Variants in TCF4 observed in about 807,000 individuals in gnomAD.
TCF4 encodes transcription factor 4.
A neutral mutation model predicts 82.1 loss-of-function variants in TCF4; 3 were observed. That is an observed-to-expected ratio of 0.04 (90% CI 0.02 to 0.09). The LOEUF (loss-of-function observed/expected upper bound fraction) is 0.09. Ranked by LOEUF, TCF4 falls within the 10% of genes least tolerant of loss-of-function variation. The probability of loss-of-function intolerance (pLI) is 1.00; values close to 1 mark genes in which losing one functional copy is unlikely to be tolerated. For synonymous variants in TCF4, 276 were observed against 309.6 expected, an observed-to-expected ratio of 0.89 and a Z score of 1.14; for missense variants, 518 against 852.7, an observed-to-expected ratio of 0.61 and a Z score of 4.89.
intron 3 of TCF4, among the ~76,000 whole-genome samples, chr18:55,470,183 A>G (rs2096142468): frequency 1.3e-5 from 2 of 152,218 alleles, no homozygotes; most frequent in African/African-American, 4.8e-5. Flanking sequence ...ACATTTGTTA[A>G]ACACTTAGGA....
intron 11 of TCF4, among the ~76,000 whole-genome samples, chr18:55,262,573 A>G (rs929080739): frequency 2.6e-5 from 4 of 152,208 alleles, no homozygotes; most frequent in African/African-American, 7.2e-5. Flanking sequence ...TTCATTAAAC[A>G]GGTATATAAT....
intron 15 of TCF4, among the ~76,000 whole-genome samples, chr18:55,242,610 A>AT (rs35918728): frequency 0.079 from 11,284 of 142,554 alleles, 1,402 homozygotes; most frequent in African/African-American, 0.27. Context: ...GCAGGCACTG[A>AT]TTTTTTTTTT....
intron 6 of TCF4, among the ~76,000 whole-genome samples, chr18:55,364,071 A>T (rs2086201240): frequency 6.6e-6 from 1 of 152,208 alleles, no homozygotes; most frequent in South Asian, 2.1e-4. Flanking sequence ...ACTGCCAGTG[A>T]GGAAGTTCAC....
chr18:55,438,327 CTA>C (rs33991809), intron 5 of TCF4, among the ~76,000 whole-genome samples: 48,085 of 151,688 alleles, frequency 0.32, 7,772 homozygotes, highest in East Asian at 0.47. Flanking sequence ...GTTGGTATTG[CTA>C]TGATTATAGT....
chr18:55,264,354 T>G (rs2058668134), intron 11 of TCF4, among the ~76,000 whole-genome samples: 1 of 152,134 alleles, frequency 6.6e-6, no homozygotes, highest in Non-Finnish European at 1.5e-5. Context: ...ACAGCTGGAG[T>G]GCCAAACCCA....
chr18:55,248,221 G>A (rs2053906020), intron 15 of TCF4, among the ~76,000 whole-genome samples: 1 of 152,178 alleles, frequency 6.6e-6, no homozygotes, highest in Admixed American at 6.5e-5. Context: ...TGATAGTTGT[G>A]GAGATTAGGA....
intron 3 of TCF4, among the ~76,000 whole-genome samples, chr18:55,525,651 T>A (rs2096974931): frequency 6.6e-6 from 1 of 152,122 alleles, no homozygotes; most frequent in Non-Finnish European, 1.5e-5. Context: ...ACCTTCCTAT[T>A]AAAATACATG....
At chr18:55,365,191 A>ATATATATATATATATATTTGTGTG (rs1361444592) in intron 6 of TCF4, among the ~76,000 whole-genome samples, 1 of 97,958 alleles carries the variant, frequency 1.0e-5, no homozygotes, top group African/African-American at 5.0e-5. Flanking sequence ...ATATATATAT[A>ATATATATATATATATATTTGTGTG]TGTGTGTGTG....
In TCF4 at chr18:55,361,343, C is replaced by G. The variant is rs1017468224; in HGVS notation, c.370-10340G>C. Among the ~76,000 whole-genome samples the G allele has an allele frequency of 4.6e-5, 7 of 152,086 alleles. No individual in the cohort carries two copies. The South Asian group carries it at 1.5e-3, about 32-fold the overall frequency. ...CACACATTTCTCCACTAAGATGCAC[C>G]GAATACCTACTATGGGCCAGCCACT... On this transcript the variant is annotated intron_variant, in intron 6 of 19. Coordinates refer to ENST00000354452, the MANE Select transcript of TCF4 (RefSeq NM_001083962.2).
In TCF4 at chr18:55,273,370, T is replaced by C. The variant is rs187899536; in HGVS notation, c.789+2249A>G. On this transcript the variant is annotated intron_variant, in intron 10 of 19. Transcript: ENST00000354452. ...AATCCAGGAACAGCGCTTAGCTTTT[T>C]CTTAAACTATCCCTTTGTTCAGTAT... 7.2e-5 allele frequency among the ~76,000 whole-genome samples: 11 copies of C among 152,314 alleles called. 1 individual carries two copies. The East Asian group carries it at 2.1e-3, about 29-fold the overall frequency.
At position 55,621,683 on chromosome 18, in the gene TCF4, T is replaced by TA. The variant is rs1266130039; in HGVS notation, c.286+9614dup. 8.9e-3 allele frequency among the ~76,000 whole-genome samples: 78 copies of TA among 8,810 alleles called. 3 individuals carry two copies. The highest frequency in any genetic ancestry group is 0.02 in the East Asian group (3 of 152). 5.8% of individuals were successfully genotyped at this position (8,810 alleles called of 152,430 possible). On this transcript the variant is annotated intron_variant, in intron 2 of 20. Coordinates refer to the TCF4 transcript ENST00000398339. Reference sequence around the variant, plus strand: ...TATACATTATATAATATACATTATATATTATATTATATAATATATATTATA... The same window carrying TA: ...TATACATTATATAATATACATTATATAATTATATTATATAATATATATTATA...
chr18:55,299,952 T>G (rs919518318), intron 8 of TCF4, among the ~76,000 whole-genome samples: 3 of 152,152 alleles, frequency 2.0e-5, no homozygotes, highest in African/African-American at 7.2e-5. Context: ...ATGCCTCACT[T>G]GCTTTTCCAT....
At chr18:55,308,826 A>G (rs1038297745) in intron 8 of TCF4, among the ~76,000 whole-genome samples, 1 of 152,188 alleles carries the variant, frequency 6.6e-6, no homozygotes, top group Admixed American at 6.5e-5. Flanking sequence ...AAAAATGTAA[A>G]AATATCCTAT....
chr18:55,443,994 G>T (rs2095484489), intron 5 of TCF4, among the ~76,000 whole-genome samples: 1 of 152,156 alleles, frequency 6.6e-6, no homozygotes, highest in Non-Finnish European at 1.5e-5. Flanking sequence ...AAGCAACTTA[G>T]ATGTCACCCA....
At chr18:55,453,630 G>T (rs1338257726) in intron 5 of TCF4, among the ~76,000 whole-genome samples, 1 of 152,046 alleles carries the variant, frequency 6.6e-6, no homozygotes, top group African/African-American at 2.4e-5. Context: ...GACTCTAAAA[G>T]TGTTTGAGGA....
chr18:55,267,396 T>C (rs2059420247), intron 11 of TCF4: 1 of 152,002 alleles, frequency 6.6e-6, no homozygotes. Flanking sequence ...AGAGAAAGCT[T>C]CTCTTCTTGT....
intron 8 of TCF4, among the ~76,000 whole-genome samples, chr18:55,296,364 T>G (rs1442007708): frequency 1.3e-5 from 2 of 152,202 alleles, no homozygotes; most frequent in African/African-American, 4.8e-5. Context: ...AATCCCAGGA[T>G]TTAGAATCTC....
chr18:55,477,436 G>T (rs2096314943), intron 3 of TCF4, among the ~76,000 whole-genome samples: 1 of 152,210 alleles, frequency 6.6e-6, no homozygotes, highest in Admixed American at 6.5e-5. Context: ...AATACTTGCT[G>T]AAAGAAGAAA....
At chr18:55,589,519 C>CA (rs1181906743), upstream of TCF4, 13 of 1,050,798 alleles carry the variant, frequency 1.2e-5, no homozygotes, top group Non-Finnish European at 1.4e-5. Flanking sequence ...TTCCCTCCCC[C>CA]AAAAAAGAAA....
Sources: gnomAD v4.1 joint callset for allele counts (sites outside exome capture counted in the v4.1 genomes callset) on GRCh38, gnomAD v4.1.1 for gene constraint, MANE v1.5 for transcripts, NCBI Gene and HGNC (gene_info 2026-07-23, HGNC 2026-07-21) for gene names.